The following SEL1L2 variants were observed in gnomAD, a reference collection of about 807,000 sequenced individuals.
SEL1L2 encodes the protein SEL1L2 adaptor subunit of SYVN1 ubiquitin ligase.
SEL1L2 carries 89 observed loss-of-function variants against 98.8 expected under a neutral mutation model. The ratio of observed to expected loss-of-function variants is 0.90; its 90% CI spans 0.76 to 1.07. The LOEUF is 1.07. Among genes scored for constraint, SEL1L2 ranks in the 50% least tolerant of loss-of-function variants. SEL1L2 has a pLI of 0.00. For missense variants in SEL1L2, 788 were observed against 812.0 expected (o/e 0.97, Z 0.36); for synonymous variants, 262 against 278.5 (o/e 0.94, Z 0.59).
At chr20:13,929,480 C>A (rs1237046990) in intron 3 of SEL1L2, among the ~76,000 whole-genome samples, 2 of 125,592 alleles carry the variant, frequency 1.6e-5, no homozygotes, top group Admixed American at 8.9e-5. Context: ...CCTCTAATTG[C>A]CTTTGCCTTT....
chr20:13,901,644 A>T (rs763079641), intron 5 of SEL1L2, among the ~76,000 whole-genome samples: 29 of 151,222 alleles, frequency 1.9e-4, no homozygotes, highest in African/African-American at 9.7e-5. Context: ...TCTTTTTTTT[A>T]AATTTTTTTT....
rs575426736 is a variant in SEL1L2, at chr20:13,873,354, T to TTTTATTTA, written c.1104+2676_1104+2683dup. Among the ~76,000 whole-genome samples the TTTTATTTA allele has an allele frequency of 2.0e-5, 3 of 151,856 alleles. No homozygotes were observed. The South Asian group carries it at 6.2e-4, about 32-fold the overall frequency. ...TTGGATGTGAATTTTACTCATTTAT[T>TTTTATTTA]TTTATTTATTTATTTATTTATTTTT... On this transcript the variant is annotated intron_variant, in intron 12 of 19. Transcript: ENST00000284951.
chr20:13,957,165 G>A (rs1008391808), intron 1 of SEL1L2, among the ~76,000 whole-genome samples: 3 of 151,562 alleles, frequency 2.0e-5, no homozygotes, highest in African/African-American at 4.9e-5. Context: ...GTAGTGGCAC[G>A]ATATTGGCTC....
intron 4 of SEL1L2, among the ~76,000 whole-genome samples, chr20:13,914,307 C>T (rs2048317169): frequency 6.6e-6 from 1 of 152,066 alleles, no homozygotes; most frequent in African/African-American, 2.4e-5. Context: ...TCTCCCATGG[C>T]CACCACCATT....
chr20:13,851,149 C>T (rs1403712834), intron 18 of SEL1L2, among the ~76,000 whole-genome samples: 2 of 152,030 alleles, frequency 1.3e-5, no homozygotes, highest in African/African-American at 2.4e-5. Context: ...ATTGCTTGAA[C>T]CCGGGAGGCA....
chr20:13,993,041 T>G (rs957978589), upstream of SEL1L2, among the ~76,000 whole-genome samples: 4 of 152,132 alleles, frequency 2.6e-5, no homozygotes, highest in Non-Finnish European at 5.9e-5. Context: ...CACCAGAAAG[T>G]CATTGAATGA....
intron 2 of SEL1L2, among the ~76,000 whole-genome samples, chr20:13,935,343 C>G (rs1451902325): frequency 6.6e-6 from 1 of 152,200 alleles, no homozygotes; most frequent in South Asian, 2.1e-4. Context: ...AGTCTCTGCC[C>G]TCTTGCAGCT....
At chr20:13,911,245 TTC>T (rs1368611135) in intron 5 of SEL1L2, among the ~76,000 whole-genome samples, 4 of 152,230 alleles carry the variant, frequency 2.6e-5, no homozygotes, top group African/African-American at 9.6e-5. Context: ...CTAGTAATCT[TTC>T]TCTCCCCATT....
At chr20:13,986,622 G>A (rs2052198304) in intron 1 of SEL1L2, among the ~76,000 whole-genome samples, 1 of 152,094 alleles carries the variant, frequency 6.6e-6, no homozygotes, top group African/African-American at 2.4e-5. Context: ...ATATTCCAAT[G>A]TATATACCAC....
chr20:13,948,417 C>T (rs185163218), intron 2 of SEL1L2, among the ~76,000 whole-genome samples: 41 of 152,042 alleles, frequency 2.7e-4, no homozygotes, highest in Middle Eastern at 3.4e-3. Context: ...GACATATAGA[C>T]CAATGGAATA....
At chr20:13,876,137 G>A in intron 11 of SEL1L2, 22 bp from the exon 12 acceptor site, 4 of 1,574,188 alleles carry the variant, frequency 2.5e-6, no homozygotes, top group Non-Finnish European at 3.5e-6. Flanking sequence ...AATGAAAAGA[G>A]GATAGAAAAA....
chr20:13,994,907 G>C (rs899968043), upstream of SEL1L2: 7 of 152,198 alleles, frequency 4.6e-5, no homozygotes, highest in Non-Finnish European at 1.0e-4. Flanking sequence ...AATGAAATTT[G>C]TAATTTTCAC....
chr20:13,939,269 C>A (rs1380793725), intron 2 of SEL1L2, among the ~76,000 whole-genome samples: 1 of 151,396 alleles, frequency 6.6e-6, no homozygotes, highest in Non-Finnish European at 1.5e-5. Context: ...GGTCTTGAAC[C>A]CCTGACTTTG....
At chr20:13,862,564 G>A (rs527819043) in intron 17 of SEL1L2, among the ~76,000 whole-genome samples, 182 of 152,268 alleles carry the variant, frequency 1.2e-3, no homozygotes, top group African/African-American at 4.2e-3. Context: ...TTTAGGTACC[G>A]AAGTTCTAAT....
chr20:13,880,329 C>T (rs2046635731), intron 10 of SEL1L2, among the ~76,000 whole-genome samples: 1 of 152,164 alleles, frequency 6.6e-6, no homozygotes, highest in Non-Finnish European at 1.5e-5. Context: ...AATATAAATC[C>T]TGGAGTTTTC....
intron 14 of SEL1L2, among the ~76,000 whole-genome samples, chr20:13,869,032 G>C (rs1318707618): frequency 6.6e-6 from 1 of 151,416 alleles, no homozygotes; most frequent in Non-Finnish European, 1.5e-5. Flanking sequence ...GCTGAGCTTG[G>C]CTTTCCATTC....
At chr20:13,956,044 TA>T (rs1197513688) in intron 2 of SEL1L2, 31 bp downstream of exon 2, 3 of 1,314,734 alleles carry the variant, frequency 2.3e-6, no homozygotes, top group South Asian at 2.5e-5. Context: ...AATTTTCTAT[TA>T]AAAAATGTAA....
intron 2 of SEL1L2, among the ~76,000 whole-genome samples, chr20:13,947,922 G>A (rs1051014322): frequency 1.4e-4 from 21 of 152,210 alleles, no homozygotes; most frequent in South Asian, 6.2e-4. Context: ...ACTGGACCCC[G>A]TGCTCACTCA....
Position 13,861,394 on chromosome 20 carries a change from A to G in SEL1L2, c.1646-1960T>C, listed in dbSNP as rs190998120. 9.5e-4 allele frequency among the ~76,000 whole-genome samples: 144 copies of G among 151,784 alleles called. 1 individual carries two copies. The highest frequency in any genetic ancestry group is 3.4e-3 in the African/African-American group (141 of 41,394). On this transcript the variant is annotated intron_variant, in intron 17 of 19. Coordinates refer to ENST00000284951, the MANE Select transcript of SEL1L2 (RefSeq NM_025229.2). Reference sequence around the variant, plus strand: ...ATCCTGGGCTCAAGCGATCCTCCCAATTCAGCCTCCCAAAGTGCTGGGATT... The same window carrying G: ...ATCCTGGGCTCAAGCGATCCTCCCAGTTCAGCCTCCCAAAGTGCTGGGATT...
Sources: gnomAD v4.1 joint callset for allele counts (sites outside exome capture counted in the v4.1 genomes callset) on GRCh38, gnomAD v4.1.1 for gene constraint, MANE v1.5 for transcripts, NCBI Gene and HGNC (gene_info 2026-07-23, HGNC 2026-07-21) for gene names.